C6: variants seen among roughly 807,000 people sequenced by gnomAD.
C6 encodes the protein complement component C6.
C6 carries 101 observed loss-of-function variants against 112.9 expected under a neutral mutation model. The observed-to-expected ratio is 0.89, with a 90% CI of 0.76 to 1.06. C6 has a LOEUF of 1.06. C6 is among the 50% of genes least tolerant of loss of function. The pLI, the probability that C6 is intolerant of heterozygous loss-of-function variation, is 0.00. For missense variants in C6, 1,202 were observed against 1,104.6 expected (o/e 1.09, Z -1.25); for synonymous variants, 431 against 384.1 (o/e 1.12, Z -1.43).
At chr5:41,148,282 C>T (rs1230762634) in intron 17 of C6, among the ~76,000 whole-genome samples, 4 of 151,478 alleles carry the variant, frequency 2.6e-5, no homozygotes, top group East Asian at 3.9e-4. Context: ...ATTATGTGGC[C>T]GAATAATATA....
chr5:41,158,876 T>C (rs1438722317), intron 12 of C6, 91 bp from the exon 13 acceptor site: 1 of 973,270 alleles, frequency 1.0e-6, no homozygotes, highest in East Asian at 2.4e-5. Context: ...TGTGTACACA[T>C]TGCATACATA....
chr5:41,207,059 A>G (rs1751494825), intron 1 of C6, among the ~76,000 whole-genome samples: 1 of 152,342 alleles, frequency 6.6e-6, no homozygotes, highest in Admixed American at 6.5e-5. Context: ...AGAAGAGAGT[A>G]GGGGCCAATA....
rs1580141231 is a variant in C6, at chr5:41,186,072, C to T, written c.724G>A (p.Glu242Lys). ...VPANLENVGF[E>K]VQTAEDDLKT... ...GCCACCATGCTAGGCTGTCATACCT[C>T]AAAGCCGACATTTTCCAGATTGGCC... is the stretch of plus-strand genomic sequence containing the variant. The change falls in exon 6 of 18, where the codon GAG becomes AAG. Residue 242 changes from glutamate (E) to lysine (K), a missense_variant and splice_region_variant. By Grantham distance (56) the Glu-to-Lys change is moderately conservative (BLOSUM62 1). Transcript: ENST00000337836. 1.2e-6 allele frequency: 2 copies of T among 1,613,926 alleles called. No individual in the cohort carries two copies. Among genetic ancestry groups the T allele is most frequent in the Non-Finnish European group, 1.7e-6 (2 of 1,179,872 alleles).
intron 1 of C6, among the ~76,000 whole-genome samples, chr5:41,247,804 T>C (rs1741115944): frequency 6.6e-6 from 1 of 150,910 alleles, no homozygotes; most frequent in South Asian, 2.1e-4. Context: ...AACAAAATAC[T>C]GCTGAAAGAA....
upstream of C6, among the ~76,000 whole-genome samples, chr5:41,216,969 C>T (rs1752217566): frequency 6.6e-6 from 1 of 152,012 alleles, no homozygotes; most frequent in South Asian, 2.1e-4. Context: ...ACCCTTTAGA[C>T]TCATTTTCTC....
At chr5:41,231,314 T>G (rs1176620034) in intron 1 of C6, among the ~76,000 whole-genome samples, 2 of 152,130 alleles carry the variant, frequency 1.3e-5, no homozygotes, top group East Asian at 3.9e-4. Flanking sequence ...ATTTATGATT[T>G]TTTATGGTGA....
chr5:41,197,898 C>A (rs142963393), intron 4 of C6, among the ~76,000 whole-genome samples: 7 of 152,196 alleles, frequency 4.6e-5, no homozygotes, highest in South Asian at 2.1e-4. Flanking sequence ...GCAGGATTTG[C>A]AGAAGTCAGC....
At chr5:41,224,021 A>G (rs1233450974) in intron 1 of C6, among the ~76,000 whole-genome samples, 1 of 152,210 alleles carries the variant, frequency 6.6e-6, no homozygotes, top group Non-Finnish European at 1.5e-5. Context: ...AATAATGTCA[A>G]CAAATCTACT....
intron 1 of C6, among the ~76,000 whole-genome samples, chr5:41,225,966 T>G (rs1037332330): frequency 2.0e-5 from 3 of 152,106 alleles, no homozygotes; most frequent in Admixed American, 6.6e-5. Context: ...ATGGATTAAA[T>G]ACTTAAATGT....
chr5:41,240,984 G>A (rs943615829), intron 1 of C6, among the ~76,000 whole-genome samples: 1 of 152,150 alleles, frequency 6.6e-6, no homozygotes, highest in African/African-American at 2.4e-5. Context: ...TGCACCTGGG[G>A]TGACTTACAG....
intron 1 of C6, among the ~76,000 whole-genome samples, chr5:41,250,452 AC>A (rs1741281986): frequency 6.6e-6 from 1 of 151,982 alleles, no homozygotes. Flanking sequence ...TATATTTTAG[AC>A]CCTGGGATGA....
At position 41,176,716 on chromosome 5, in the gene C6, C is replaced by A; in HGVS notation, c.928-1G>T. ...TATGGATCCTAATAAAACTAGAATC[C>A]TAAATGGAAGAAAGAAGTAAAAAGA... On this transcript the variant is annotated splice_acceptor_variant, in intron 7 of 17. Transcript: ENST00000337836. LOFTEE classifies it high-confidence loss of function. The A allele has an allele frequency of 1.2e-6, 2 of 1,609,296 alleles. No individual in the cohort carries two copies. The highest frequency in any genetic ancestry group is 1.1e-5 in the South Asian group (1 of 90,826).
chr5:41,243,834 G>A (rs1248896387), intron 1 of C6, among the ~76,000 whole-genome samples: 3 of 152,020 alleles, frequency 2.0e-5, no homozygotes, highest in South Asian at 2.1e-4. Flanking sequence ...CAGCTGGGGA[G>A]GTGGTAGAAA....
chr5:41,258,067 C>T (rs1375703889), intron 1 of C6, among the ~76,000 whole-genome samples: 1 of 151,962 alleles, frequency 6.6e-6, no homozygotes, highest in Non-Finnish European at 1.5e-5. Flanking sequence ...AAAGAAAAAA[C>T]CCACCAGGCA....
intron 1 of C6, among the ~76,000 whole-genome samples, chr5:41,242,909 A>T (rs963814850): frequency 6.7e-5 from 10 of 149,016 alleles, no homozygotes; most frequent in Non-Finnish European, 1.2e-4. Context: ...AAAAAAAAAA[A>T]TACTGTGTGG....
At chr5:41,198,727 G>A in intron 4 of C6, among the ~76,000 whole-genome samples, 1 of 152,108 alleles carries the variant, frequency 6.6e-6, no homozygotes, top group South Asian at 2.1e-4. Flanking sequence ...TGGCCTGAAT[G>A]CAGATCCTTT....
In C6 at chr5:41,183,082, T is replaced by C. The variant is rs550247363; in HGVS notation, c.727-1523A>G. ...AAGAAAGCCCTGATTTGCTATAGCA[T>C]TTTTCTTTTCCATTGTGCATATATT... On this transcript the variant is annotated intron_variant, in intron 6 of 17. Coordinates refer to ENST00000337836, the MANE Select transcript of C6 (RefSeq NM_000065.5). Among the ~76,000 whole-genome samples, 505 of 152,320 alleles carry C rather than the reference T, an allele frequency of 3.3e-3. 3 individuals are homozygous for C. Among genetic ancestry groups the C allele is most frequent in the Non-Finnish European group, 5.4e-3 (369 of 68,036 alleles).
intron 1 of C6, among the ~76,000 whole-genome samples, chr5:41,248,265 A>G (rs1023465982): frequency 5.3e-5 from 8 of 152,240 alleles, no homozygotes; most frequent in African/African-American, 1.7e-4. Context: ...CAGCCTTGGG[A>G]AAGAATTTAT....
intron 9 of C6, among the ~76,000 whole-genome samples, chr5:41,162,393 T>C (rs1307479537): frequency 1.3e-5 from 2 of 151,988 alleles, no homozygotes; most frequent in East Asian, 3.9e-4. Context: ...AGGGAAAAAA[T>C]GGTGGAATGA....
Sources: gnomAD v4.1 joint callset for allele counts (sites outside exome capture counted in the v4.1 genomes callset) on GRCh38, gnomAD v4.1.1 for gene constraint, MANE v1.5 for transcripts, NCBI Gene and HGNC (gene_info 2026-07-23, HGNC 2026-07-21) for gene names.